Variants in LIPA observed in about 807,000 individuals in gnomAD.
LIPA encodes lipase A, lysosomal acid type, also known as lysosomal acid lipase/cholesteryl ester hydrolase.
LIPA carries 26 observed loss-of-function variants against 40.6 expected under a neutral mutation model. The ratio of observed to expected loss-of-function variants is 0.64; its 90% CI spans 0.47 to 0.89. The LOEUF is 0.89. Among genes scored for constraint, LIPA ranks in the 40% least tolerant of loss-of-function variants. LIPA has a pLI of 0.00. For synonymous variants in LIPA, 188 were observed against 168.4 expected, an observed-to-expected ratio of 1.12 and a Z score of -0.90; for missense variants, 455 against 479.6, an observed-to-expected ratio of 0.95 and a Z score of 0.48.
chr10:89,332,567 TA>T, intron 1 of LIPA: 5 of 1,613,844 alleles, frequency 3.1e-6, no homozygotes, highest in Non-Finnish European at 4.2e-6. Context: ...ATCAGTAAGC[TA>T]AAAACAAAAT....
chr10:89,220,764 T>C (rs1160984415), intron 8 of LIPA, among the ~76,000 whole-genome samples: 1 of 152,080 alleles, frequency 6.6e-6, no homozygotes, highest in East Asian at 1.9e-4. Context: ...ACTGTTAGAG[T>C]TCCTGGGGCA....
At chr10:89,215,187 T>C in intron 9 of LIPA, 126 bp from the exon 10 acceptor site, 1 of 750,610 alleles carries the variant, frequency 1.3e-6, no homozygotes, top group Non-Finnish European at 2.3e-6. Flanking sequence ...ATTTTTAAAA[T>C]CTCTTTGAGT....
intron 1 of LIPA, among the ~76,000 whole-genome samples, chr10:89,258,829 A>G (rs61853099): frequency 0.041 from 6,258 of 152,346 alleles, 190 homozygotes; most frequent in Middle Eastern, 0.11. Context: ...GAAGACATGA[A>G]TAAATAAAAT....
intron 1 of LIPA, chr10:89,305,980 C>A (rs1413803916): frequency 1.9e-6 from 3 of 1,612,124 alleles, no homozygotes; most frequent in Non-Finnish European, 1.7e-6. Flanking sequence ...ATAAGAATTC[C>A]TTGGAGAGCA....
intron 2 of LIPA, among the ~76,000 whole-genome samples, chr10:89,376,187 T>TAAAAAAA (rs66954730): frequency 1.1e-4 from 11 of 102,438 alleles, no homozygotes; most frequent in Non-Finnish European, 1.3e-4. Flanking sequence ...GACTCTATCT[T>TAAAAAAA]AAAAAAAAAA....
chr10:89,307,580 G>C (rs552808063), intron 1 of LIPA: 1 of 496,414 alleles, frequency 2.0e-6, no homozygotes, highest in Non-Finnish European at 3.6e-6. Flanking sequence ...ACCAGATTGG[G>C]GGGTAGGTCC....
chr10:89,356,706 C>T (rs532156767), intron 2 of LIPA, among the ~76,000 whole-genome samples: 10 of 152,214 alleles, frequency 6.6e-5, no homozygotes, highest in Non-Finnish European at 1.2e-4. Flanking sequence ...ATAATTATTT[C>T]GTTTATATTA....
At chr10:89,379,951 C>T (rs985427877) in intron 2 of LIPA, among the ~76,000 whole-genome samples, 12 of 151,496 alleles carry the variant, frequency 7.9e-5, no homozygotes, top group Non-Finnish European at 1.5e-4. Context: ...AGGAGAATGG[C>T]GTGAACCTGG....
chr10:89,310,817 T>G (rs1194543706), intron 1 of LIPA, among the ~76,000 whole-genome samples: 1 of 152,186 alleles, frequency 6.6e-6, no homozygotes, highest in Non-Finnish European at 1.5e-5. Context: ...AGGCTGCTGT[T>G]GAAAAGGAGG....
At chr10:89,338,617 C>T in intron 1 of LIPA, 1 of 1,565,764 alleles carries the variant, frequency 6.4e-7, no homozygotes, top group Non-Finnish European at 8.7e-7. Flanking sequence ...GGGTGCAGTG[C>T]TTGGCAGTGT....
chr10:89,247,350 C>T (rs903656040), intron 2 of LIPA, among the ~76,000 whole-genome samples, 188 bp downstream of exon 2: 7 of 121,110 alleles, frequency 5.8e-5, no homozygotes, highest in South Asian at 2.7e-4. Flanking sequence ...CCAGCCTGGG[C>T]GGGCAGGTGA....
chr10:89,240,965 A>G (rs1842958500), intron 3 of LIPA, among the ~76,000 whole-genome samples: 1 of 152,198 alleles, frequency 6.6e-6, no homozygotes, highest in South Asian at 2.1e-4. Context: ...TGGGGATGAC[A>G]GAGGTCACAC....
rs1310909827 is a variant in LIPA at position 89,222,548 on chromosome 10, G to A, written c.857C>T (p.Ala286Val). ...TAACATGTTTTGCACAGAAGTTCCA[G>A]CAGGAGAATGTGTTGTATATACATC... ...RVDVYTTHSP[A>V]GTSVQNMLHW... Residue 286 changes from alanine (A) to valine (V), a missense_variant, in exon 8 of 10, where the codon GCT becomes GTT. By Grantham distance (64) the Ala-to-Val change is moderately conservative. Transcript: ENST00000336233. 6.2e-7 allele frequency: 1 copy of A among 1,610,072 alleles called. No homozygotes were observed. Among genetic ancestry groups the A allele is most frequent in the Admixed American group, 1.7e-5 (1 of 60,024 alleles).
chr10:89,250,920 GT>G (rs1364780921), intron 1 of LIPA, among the ~76,000 whole-genome samples: 1 of 152,148 alleles, frequency 6.6e-6, no homozygotes, highest in Non-Finnish European at 1.5e-5. Flanking sequence ...CTTTATCTCA[GT>G]TATTTAGACT....
chr10:89,366,495 A>C (rs1000055959), intron 2 of LIPA, among the ~76,000 whole-genome samples: 2 of 152,058 alleles, frequency 1.3e-5, no homozygotes, highest in South Asian at 2.1e-4. Flanking sequence ...ATAAGAAAAA[A>C]TTTTTTCACA....
At chr10:89,335,409 GAT>G (rs1843719693) in intron 1 of LIPA, 1 of 151,882 alleles carries the variant, frequency 6.6e-6, no homozygotes, top group Non-Finnish European at 1.5e-5. Flanking sequence ...TTGAGCAATT[GAT>G]ATCTTCTGAA....
chr10:89,304,861 T>TC (rs1344319280), intron 1 of LIPA, among the ~76,000 whole-genome samples: 1 of 151,660 alleles, frequency 6.6e-6, no homozygotes, highest in Non-Finnish European at 1.5e-5. Flanking sequence ...TCCAGGAGAG[T>TC]CATAAGGGTA....
At chr10:89,410,763 T>A (rs183909093) in intron 2 of LIPA, among the ~76,000 whole-genome samples, 1 of 152,010 alleles carries the variant, frequency 6.6e-6, no homozygotes, top group Non-Finnish European at 1.5e-5. Flanking sequence ...AACCACGGAG[T>A]TATTGCACGC....
chr10:89,341,858 C>T (rs7911396), intron 1 of LIPA, among the ~76,000 whole-genome samples: 7 of 152,080 alleles, frequency 4.6e-5, no homozygotes, highest in East Asian at 3.9e-4. Context: ...GGCATTATAC[C>T]GTATTAAGAG....
Sources: allele counts gnomAD v4.1 joint callset (sites outside exome capture counted in the v4.1 genomes callset), GRCh38; gene constraint gnomAD v4.1.1; transcripts MANE v1.5; gene names NCBI Gene and HGNC (gene_info 2026-07-23, HGNC 2026-07-21).